Variants in ATP12A observed in about 807,000 individuals in gnomAD.
The protein encoded by ATP12A is ATPase H+/K+ transporting non-gastric alpha2 subunit.
In ATP12A, 81 loss-of-function variants were observed where a neutral mutation model predicts 111.2. The observed-to-expected ratio is 0.73, with a 90% CI of 0.61 to 0.88. The LOEUF is 0.88. ATP12A is among the 40% of genes least tolerant of loss of function. ATP12A has a pLI of 0.00. For missense variants in ATP12A, 1,196 were observed against 1,313.1 expected (o/e 0.91, Z 1.38); for synonymous variants, 498 against 499.8 (o/e 1.00, Z 0.05).
At chr13:24,706,917 A>G in intron 15 of ATP12A, 106 bp from the exon 16 acceptor site, 1 of 1,300,412 alleles carries the variant, frequency 7.7e-7, no homozygotes, top group Non-Finnish European at 1.1e-6. Flanking sequence ...TTCAGCTATA[A>G]TCATCCTCGC....
chr13:24,704,759 T>C, intron 14 of ATP12A: 2 of 208,220 alleles, frequency 9.6e-6, no homozygotes, highest in South Asian at 1.4e-4. Flanking sequence ...GATTCTTGCC[T>C]CAGTCAAAAG....
intron 14 of ATP12A, chr13:24,703,790 C>A: frequency 6.6e-6 from 1 of 152,342 alleles, no homozygotes; most frequent in Non-Finnish European, 1.5e-5. Flanking sequence ...CTCAGCCTCC[C>A]AAGTAGCTGG....
intron 2 of ATP12A, among the ~76,000 whole-genome samples, chr13:24,683,947 A>G (rs183245386): frequency 1.3e-5 from 2 of 152,312 alleles, no homozygotes; most frequent in Non-Finnish European, 2.9e-5. Context: ...TGACAACTGA[A>G]GTATCCCGGC....
rs761954935 is a variant in ATP12A at position 24,707,015 on chromosome 13, C to T, written c.2170-8C>T. On this transcript the variant is annotated splice_polypyrimidine_tract_variant and splice_region_variant and intron_variant, in intron 15 of 22. Transcript: ENST00000381946. ...ACTCCCACTTTCTCCCTGGGTCCCC[C>T]GCCATAGGATGCTGTTGTTGCTGTG... is the stretch of plus-strand genomic sequence containing the variant. 29 of 1,583,442 alleles carry T rather than the reference C, an allele frequency of 1.8e-5. No individual in the cohort carries two copies. Among genetic ancestry groups the T allele is most frequent in the South Asian group, 3.5e-5 (3 of 85,842 alleles).
intron 15 of ATP12A, 31 bp downstream of exon 15, chr13:24,706,494 C>CAG: frequency 6.2e-7 from 1 of 1,607,346 alleles, no homozygotes; most frequent in Non-Finnish European, 8.5e-7. Flanking sequence ...AGAGGACTGA[C>CAG]AGGCCCATCA....
Position 24,706,263 on chromosome 13 carries a change from A to C in ATP12A, c.2019-50A>C, listed in dbSNP as rs371277928. ...AGCATCCTGCCTGGAACAGTGTTTC[A>C]ACCTAAGATCTGCCCTTGGGCCTCA... is the stretch of plus-strand genomic sequence containing the variant. On this transcript the variant is annotated intron_variant, in intron 14 of 22. Coordinates refer to ENST00000381946, the MANE Select transcript of ATP12A (RefSeq NM_001676.7). 4 of 1,594,404 alleles carry C rather than the reference A, an allele frequency of 2.5e-6. No individual in the cohort carries two copies. The Admixed American group carries it at 6.9e-5, about 27-fold the overall frequency.
chr13:24,698,817 A>C lies in ATP12A; in HGVS notation c.1672A>C (p.Met558Leu), dbSNP rs759676833. The C allele has an allele frequency of 8.7e-6, 14 of 1,613,894 alleles. No individual in the cohort carries two copies. The South Asian group carries it at 1.5e-4, about 18-fold the overall frequency. ...TGCCAAGACCTTCCACACAGCCTAC[A>C]TGGAGCTGGGCGGGTTGGGCGAGCG... is the stretch of plus-strand genomic sequence containing the variant. ...STAKTFHTAY[M>L]ELGGLGERVL... is the part of the protein sequence containing the mutation. Residue 558 changes from methionine to leucine, a missense_variant, in exon 12 of 23, where the codon ATG becomes CTG. Physicochemically the swap from Met to Leu is conservative, Grantham distance 15 (BLOSUM62 2). This residue lies in a region of ATP12A where 1,126 missense variants were observed against 1,228.5 expected (regional missense o/e 0.92). Coordinates refer to ENST00000381946, the MANE Select transcript of ATP12A (RefSeq NM_001676.7).
chr13:24,711,526 C>A lies in ATP12A; in HGVS notation c.*4C>A, dbSNP rs1041583791. The A allele has an allele frequency of 6.2e-7, 1 of 1,613,958 alleles. No homozygotes were observed. The highest frequency in any genetic ancestry group is 8.5e-7 in the Non-Finnish European group (1 of 1,180,032). Reference sequence around the variant, plus strand: ...GGATAAGAACATGTATTATTAAGACCACCTCCCTTCCTATGTCTCTCAGCA... The same window carrying A: ...GGATAAGAACATGTATTATTAAGACAACCTCCCTTCCTATGTCTCTCAGCA... On this transcript the variant is annotated 3_prime_UTR_variant, in exon 23 of 23. Transcript: ENST00000381946.
intron 11 of ATP12A, among the ~76,000 whole-genome samples, chr13:24,696,457 A>G (rs1875158117): frequency 1.4e-5 from 1 of 71,504 alleles, no homozygotes. Context: ...CTGTAATCCC[A>G]GCACTTTGGG....
intron 11 of ATP12A, among the ~76,000 whole-genome samples, chr13:24,698,371 A>G (rs1394242410): frequency 2.0e-5 from 3 of 152,006 alleles, no homozygotes; most frequent in African/African-American, 7.2e-5. Context: ...ACCCTGGGAG[A>G]TCTTGTTCAA....
chr13:24,691,307 T>C, intron 8 of ATP12A, 57 bp downstream of exon 8: 2 of 1,539,912 alleles, frequency 1.3e-6, no homozygotes, highest in Non-Finnish European at 1.7e-6. Flanking sequence ...GCACTGGTGC[T>C]GGGGAGGCGC....
intron 2 of ATP12A, among the ~76,000 whole-genome samples, chr13:24,682,196 A>G (rs117743431): frequency 3.0e-4 from 12 of 39,478 alleles, no homozygotes; most frequent in East Asian, 7.8e-4. Context: ...TGTGTGTGGT[A>G]TATATGTGTG....
chr13:24,696,226 C>T (rs567363162), intron 11 of ATP12A, among the ~76,000 whole-genome samples: 6 of 152,224 alleles, frequency 3.9e-5, no homozygotes, highest in South Asian at 2.1e-4. Flanking sequence ...TGAGGTGCCG[C>T]GCATCAGTGC....
chr13:24,711,454 A>C, intron 22 of ATP12A, 40 bp from the exon 23 acceptor site: 1 of 1,614,132 alleles, frequency 6.2e-7, no homozygotes, highest in African/African-American at 1.3e-5. Context: ...CCACTTCAAC[A>C]GACTCTCCAT....
At chr13:24,700,637 A>G (rs757524047) in intron 12 of ATP12A, 110 bp from the exon 13 acceptor site, 5 of 941,218 alleles carry the variant, frequency 5.3e-6, no homozygotes, top group Non-Finnish European at 7.7e-6. Context: ...GGCTTATTCT[A>G]ATGTATTGGT....
chr13:24,709,836 G>A lies in ATP12A; in HGVS notation c.2763+8G>A. The A allele has an allele frequency of 6.2e-7, 1 of 1,613,716 alleles. No homozygotes were observed. Among genetic ancestry groups the A allele is most frequent in the Non-Finnish European group, 8.5e-7 (1 of 1,179,734 alleles). ...AGCTATGGGCAGGAATGGGTGAGTG[G>A]CGGGAGCCCTGCTGCAGAGTCCACC... On this transcript the variant is annotated splice_region_variant and intron_variant, in intron 19 of 22. Coordinates refer to ENST00000381946, the MANE Select transcript of ATP12A (RefSeq NM_001676.7).
chr13:24,686,422 A>AGAGCG (rs1874665924), intron 3 of ATP12A, among the ~76,000 whole-genome samples: 1 of 139,770 alleles, frequency 7.2e-6, no homozygotes, highest in Non-Finnish European at 1.5e-5. Flanking sequence ...CCTGGGCAAC[A>AGAGCG]AGAGCAAAAC....
Position 24,688,523 on chromosome 13 carries a change from G to GT in ATP12A, c.432+2dup. 6.3e-7 allele frequency: 1 copy of GT among 1,576,200 alleles called. No individual in the cohort carries two copies. The highest frequency in any genetic ancestry group is 8.6e-7 in the Non-Finnish European group (1 of 1,158,140). On this transcript the variant is annotated splice_donor_variant, in intron 4 of 22. Transcript: ENST00000381946. LOFTEE classifies it high-confidence loss of function. Reference sequence around the variant, plus strand: ...CGACAAGTCTGCATCCCTGAACAACGTAAGGCTCTGGGGTGTCCCCTCCTG... The same window carrying GT: ...CGACAAGTCTGCATCCCTGAACAACGTTAAGGCTCTGGGGTGTCCCCTCCTG...
chr13:24,705,032 G>A (rs928946312), intron 14 of ATP12A, among the ~76,000 whole-genome samples: 3 of 152,114 alleles, frequency 2.0e-5, no homozygotes, highest in African/African-American at 4.8e-5. Flanking sequence ...TTTTGCCAGC[G>A]GTTAAGGAGA....
Sources: allele counts gnomAD v4.1 joint callset (sites outside exome capture counted in the v4.1 genomes callset), GRCh38; gene constraint gnomAD v4.1.1; regional missense constraint gnomAD v4.1.1; transcripts MANE v1.5; gene names NCBI Gene and HGNC (gene_info 2026-07-23, HGNC 2026-07-21).